Variants in GPR89B observed in about 807,000 individuals in gnomAD.
GPR89B encodes the protein G protein-coupled receptor 89B.
A neutral mutation model predicts 52.4 loss-of-function variants in GPR89B; 25 were observed. The observed-to-expected ratio is 0.48, with a 90% CI of 0.35 to 0.67. The LOEUF is 0.67. Among genes scored for constraint, GPR89B ranks in the 30% least tolerant of loss-of-function variants. GPR89B has a pLI of 0.01. For missense variants in GPR89B, 146 were observed against 450.2 expected, an observed-to-expected ratio of 0.32 and a Z score of 6.11; for synonymous variants, 52 against 151.2, an observed-to-expected ratio of 0.34 and a Z score of 4.81.
At chr1:147,929,144 C>CT (rs1224107652) in intron 1 of GPR89B, 1 of 154,070 alleles carries the variant, frequency 6.5e-6, no homozygotes, top group Non-Finnish European at 1.4e-5. Context: ...TTATCCTCTG[C>CT]TTAGTTACCC....
At chr1:147,933,835 G>T (rs1428200982) in intron 1 of GPR89B, among the ~76,000 whole-genome samples, 1 of 152,062 alleles carries the variant, frequency 6.6e-6, no homozygotes, top group East Asian at 1.9e-4. Context: ...CTTCCTTCAA[G>T]TGTGTCTTCC....
chr1:148,004,924 C>T, the GPR89B span, among the ~76,000 whole-genome samples: 4 of 120,080 alleles, frequency 3.3e-5, no homozygotes, highest in East Asian at 2.8e-4. Flanking sequence ...CACACACACA[C>T]ATAAAAATTA....
At chr1:148,015,293 ATCTCTCTCTCTCTCTCTC>A in the GPR89B span, among the ~76,000 whole-genome samples, 251 of 69,846 alleles carry the variant, frequency 3.6e-3, 1 homozygote, top group African/African-American at 0.015. Flanking sequence ...GGATTCTAGG[ATCTCTCTCTCTCTCTCTC>A]TCTCTCTCTC....
Position 147,943,467 on chromosome 1 carries a change from T to A in GPR89B, c.236T>A (p.Leu79Gln). 1 of 1,612,386 alleles carries A rather than the reference T, an allele frequency of 6.2e-7. No individual in the cohort carries two copies. Among genetic ancestry groups the A allele is most frequent in the East Asian group, 2.2e-5 (1 of 44,722 alleles). The change falls in exon 4 of 14, where the codon CTG becomes CAG. Residue 79 changes from leucine to glutamine, a missense_variant. By Grantham distance (113) the Leu-to-Gln change is moderately radical. Coordinates refer to ENST00000314163, the MANE Select transcript of GPR89B (RefSeq NM_016334.5). ...SSRYFHWKMN[L>Q]CVILLILVFM... ...CGTTATTTTCACTGGAAAATGAACCTGTGTGTAATTCTGCTGATCCTGGTT... is the reference window on the plus strand; with the variant it reads ...CGTTATTTTCACTGGAAAATGAACCAGTGTGTAATTCTGCTGATCCTGGTT...
intron 3 of GPR89B, among the ~76,000 whole-genome samples, chr1:147,942,121 T>G (rs1553249027): frequency 6.6e-6 from 1 of 152,086 alleles, no homozygotes; most frequent in Non-Finnish European, 1.5e-5. Context: ...AGTTTAATAA[T>G]ATAATACAAT....
intron 10 of GPR89B, among the ~76,000 whole-genome samples, chr1:147,975,101 A>G (rs1657740346): frequency 1.4e-5 from 2 of 147,006 alleles, no homozygotes; most frequent in East Asian, 4.0e-4. Flanking sequence ...TTTCACATCA[A>G]TGTTCTTCAG....
chr1:147,972,844 T>G (rs1171086699), intron 10 of GPR89B, among the ~76,000 whole-genome samples: 5 of 149,536 alleles, frequency 3.3e-5, no homozygotes, highest in East Asian at 1.9e-4. Context: ...CCAGTTTGTG[T>G]TGTTCCCTCC....
chr1:147,988,178 C>T (rs2149094411), intron 11 of GPR89B, among the ~76,000 whole-genome samples: 1 of 151,426 alleles, frequency 6.6e-6, no homozygotes, highest in South Asian at 2.1e-4. Flanking sequence ...CATAGCAAGA[C>T]CCTGGCTCTA....
downstream of GPR89B, among the ~76,000 whole-genome samples, chr1:147,998,037 C>T (rs1210206924): frequency 3.3e-5 from 5 of 152,080 alleles, no homozygotes; most frequent in African/African-American, 1.2e-4. Flanking sequence ...ATCTTGAATA[C>T]CGAAGAGGCA....
At position 147,951,436 on chromosome 1, in the gene GPR89B, G is replaced by C. The variant is rs587692601; in HGVS notation, c.416-1909G>C. Reference sequence around the variant, plus strand: ...CAGTCAGTTAAGGAATGAACTGGAGGTGAAGAAAAAGTGACAATAACTATA... The same window carrying C: ...CAGTCAGTTAAGGAATGAACTGGAGCTGAAGAAAAAGTGACAATAACTATA... On this transcript the variant is annotated intron_variant, in intron 5 of 13. Coordinates refer to ENST00000314163, the MANE Select transcript of GPR89B (RefSeq NM_016334.5). 8.5e-5 allele frequency among the ~76,000 whole-genome samples: 13 copies of C among 152,156 alleles called. No homozygotes were observed. The South Asian group carries it at 2.7e-3, about 32-fold the overall frequency.
intron 10 of GPR89B, among the ~76,000 whole-genome samples, chr1:147,983,419 C>T (rs1658417630): frequency 6.6e-6 from 1 of 151,944 alleles, no homozygotes; most frequent in Admixed American, 6.6e-5. Flanking sequence ...ATTTTTGCAA[C>T]CTACTCATCT....
In GPR89B at chr1:147,940,357, T is replaced by C. The variant is rs587642442; in HGVS notation, c.206+1540T>C. On this transcript the variant is annotated intron_variant, in intron 3 of 13. Coordinates refer to ENST00000314163, the MANE Select transcript of GPR89B (RefSeq NM_016334.5). ...GGCAGAGCTTGCAGTGAGCCGAGAT[T>C]GTGCCACTGCACTCCAGCCTGGGCG... 7.3e-3 allele frequency among the ~76,000 whole-genome samples: 1,100 copies of C among 151,686 alleles called. 11 individuals are homozygous for C. The highest frequency in any genetic ancestry group is 0.024 in the African/African-American group (1,004 of 41,402).
chr1:147,951,147 ACT>A (rs1393027212), intron 5 of GPR89B, among the ~76,000 whole-genome samples: 1 of 151,168 alleles, frequency 6.6e-6, no homozygotes, highest in Non-Finnish European at 1.5e-5. Flanking sequence ...TTGAATCCTG[ACT>A]CTGCCCCTTT....
rs1226907298 is a variant in GPR89B, at chr1:147,968,539, A to G, written c.728-336A>G. On this transcript the variant is annotated intron_variant, in intron 8 of 13. Transcript: ENST00000314163. ...AAAGCTATGCTTTATTATAGTTATTATTCTGTAACTATTTACAATCTTGAA... is the reference window on the plus strand; with the variant it reads ...AAAGCTATGCTTTATTATAGTTATTGTTCTGTAACTATTTACAATCTTGAA... 1.7e-5 allele frequency: 7 copies of G among 411,536 alleles called. No homozygotes were observed. In the East Asian group the frequency reaches 3.4e-4, roughly 20 times the overall value. 25.5% of individuals were successfully genotyped at this position (411,536 alleles called of 1,614,324 possible).
At chr1:147,964,411 C>T (rs1656881391) in intron 7 of GPR89B, among the ~76,000 whole-genome samples, 1 of 151,514 alleles carries the variant, frequency 6.6e-6, no homozygotes, top group Non-Finnish European at 1.5e-5. Context: ...TTTTAAATGA[C>T]ATTGGGCTAA....
At chr1:147,934,952 C>T (rs1304126505) in intron 1 of GPR89B, among the ~76,000 whole-genome samples, 31 of 151,774 alleles carry the variant, frequency 2.0e-4, no homozygotes, top group Admixed American at 7.2e-4. Flanking sequence ...GAGCCTGCTA[C>T]GTACCAGGCT....
intron 11 of GPR89B, among the ~76,000 whole-genome samples, 198 bp downstream of exon 11, chr1:147,986,492 A>G (rs1359044043): frequency 5.7e-4 from 86 of 152,068 alleles, no homozygotes; most frequent in Non-Finnish European, 2.5e-4. Context: ...AAAGGCCAAG[A>G]TTCTCTCTCT....
intron 1 of GPR89B, among the ~76,000 whole-genome samples, chr1:147,929,557 T>G (rs4281365): frequency 1.1e-3 from 165 of 152,278 alleles, no homozygotes; most frequent in Non-Finnish European, 2.1e-3. Flanking sequence ...TGTGTGTGTG[T>G]TTGTTTTTGC....
At chr1:148,004,284 G>T in the GPR89B span, among the ~76,000 whole-genome samples, 2 of 151,004 alleles carry the variant, frequency 1.3e-5, no homozygotes, top group South Asian at 2.1e-4. Flanking sequence ...AGCCTCCCGA[G>T]TACCTGGGAC....
Sources: allele counts gnomAD v4.1 joint callset (sites outside exome capture counted in the v4.1 genomes callset), GRCh38; gene constraint gnomAD v4.1.1; transcripts MANE v1.5; gene names NCBI Gene and HGNC (gene_info 2026-07-23, HGNC 2026-07-21).